Variants in SAMD3 observed in about 807,000 individuals in gnomAD.
SAMD3 encodes the protein sterile alpha motif domain containing 3, also known as sterile alpha motif domain-containing protein 3.
Under a neutral mutation model 58.5 loss-of-function variants are expected in SAMD3, and 63 were observed. The ratio of observed to expected loss-of-function variants is 1.08; its 90% CI spans 0.88 to 1.33. SAMD3 has a LOEUF of 1.33. Ranked by LOEUF, SAMD3 falls within the 40% of genes most tolerant of loss-of-function variation. The pLI is 0.00. For synonymous variants in SAMD3, 220 were observed against 210.3 expected, an observed-to-expected ratio of 1.05 and a Z score of -0.40; for missense variants, 604 against 608.4, an observed-to-expected ratio of 0.99 and a Z score of 0.08.
chr6:130,325,161 A>G (rs541626070), intron 1 of SAMD3, among the ~76,000 whole-genome samples: 1 of 152,330 alleles, frequency 6.6e-6, no homozygotes, highest in African/African-American at 2.4e-5. Flanking sequence ...TATGTTAGTC[A>G]GGGTTCTCCA....
intron 1 of SAMD3, among the ~76,000 whole-genome samples, chr6:130,219,040 G>T (rs115866760): frequency 9.9e-5 from 15 of 152,134 alleles, no homozygotes; most frequent in Non-Finnish European, 1.6e-4. Context: ...TGACAGAAAA[G>T]CATTCTTTCT....
At chr6:130,230,931 C>T (rs1027290191) in intron 2 of SAMD3, among the ~76,000 whole-genome samples, 1 of 152,158 alleles carries the variant, frequency 6.6e-6, no homozygotes, top group Non-Finnish European at 1.5e-5. Context: ...CTACCTTTCA[C>T]CTGGGGGAAG....
In SAMD3 at chr6:130,247,997, G is replaced by T. The variant is rs145889187; in HGVS notation, c.-187-25184C>A. Among the ~76,000 whole-genome samples, 440 of 152,214 alleles carry T rather than the reference G, an allele frequency of 2.9e-3. 4 individuals carry two copies. Among genetic ancestry groups the T allele is most frequent in the African/African-American group, 1.0e-2 (415 of 41,514 alleles). ...TAAGTATTCCTAATATATTTAGTGT[G>T]ATGTGCACCCCATAGTATTGTAAAC... On this transcript the variant is annotated intron_variant, in intron 2 of 13. Transcript: ENST00000368134.
intron 5 of SAMD3, among the ~76,000 whole-genome samples, chr6:130,203,511 C>G (rs1419265966): frequency 6.6e-6 from 1 of 152,194 alleles, no homozygotes; most frequent in Non-Finnish European, 1.5e-5. Flanking sequence ...CTTTTTAGCT[C>G]TATGATTGAA....
chr6:130,164,662 G>A (rs181854184), intron 8 of SAMD3, among the ~76,000 whole-genome samples: 44 of 151,902 alleles, frequency 2.9e-4, no homozygotes, highest in Admixed American at 2.4e-3. Flanking sequence ...CATATGACAT[G>A]CCCACCTTGG....
intron 2 of SAMD3, among the ~76,000 whole-genome samples, chr6:130,284,058 G>A (rs901965453): frequency 3.9e-5 from 6 of 152,184 alleles, no homozygotes; most frequent in Non-Finnish European, 8.8e-5. Context: ...TTACCATGTT[G>A]GCCAGGCTGG....
intron 5 of SAMD3, among the ~76,000 whole-genome samples, chr6:130,194,390 C>A (rs1793879903): frequency 6.6e-6 from 1 of 152,204 alleles, no homozygotes; most frequent in African/African-American, 2.4e-5. Flanking sequence ...CAATCTGCTC[C>A]TGACATTAAA....
At position 130,180,004 on chromosome 6, in the gene SAMD3, G is replaced by A. The variant is rs149925913; in HGVS notation, c.655-3996C>T. The stretch of plus-strand genomic sequence containing the variant: ...TAATTTTTGTGTTTTTAGTAGAAAC[G>A]GGGTTTCACCATGTTGGCCAGGATG... On this transcript the variant is annotated intron_variant, in intron 7 of 11. Coordinates refer to ENST00000439090, the MANE Select transcript of SAMD3 (RefSeq NM_001017373.4). Among the ~76,000 whole-genome samples the A allele has an allele frequency of 7.4e-3, 1,128 of 151,858 alleles. 24 individuals are homozygous for A. The highest frequency in any genetic ancestry group is 0.026 in the African/African-American group (1,094 of 41,398).
intron 2 of SAMD3, among the ~76,000 whole-genome samples, chr6:130,246,246 T>G (rs940383452): frequency 2.6e-5 from 4 of 152,232 alleles, no homozygotes; most frequent in Non-Finnish European, 4.4e-5. Context: ...TTTTATAGAT[T>G]TAACTTTAAA....
At chr6:130,194,291 CT>C (rs1793867910) in intron 5 of SAMD3, among the ~76,000 whole-genome samples, 1 of 152,230 alleles carries the variant, frequency 6.6e-6, no homozygotes, top group Admixed American at 6.5e-5. Context: ...CAGTTCATGG[CT>C]TGTTCGGTAG....
chr6:130,207,086 C>G (rs1795145718), intron 5 of SAMD3, among the ~76,000 whole-genome samples: 1 of 148,592 alleles, frequency 6.7e-6, no homozygotes. Flanking sequence ...AAAATCAAGG[C>G]TGCAGTGAGC....
rs111490517 is a variant in SAMD3, at chr6:130,182,155, A to G, written c.654+1948T>C. Among the ~76,000 whole-genome samples the G allele has an allele frequency of 9.4e-3, 1,427 of 152,294 alleles. 29 individuals are homozygous for G. Among genetic ancestry groups the G allele is most frequent in the African/African-American group, 0.031 (1,278 of 41,566 alleles). On this transcript the variant is annotated intron_variant, in intron 7 of 11. Coordinates refer to ENST00000439090, the MANE Select transcript of SAMD3 (RefSeq NM_001017373.4). The stretch of plus-strand genomic sequence containing the variant: ...GGTAGATGTATCTCCAGTGTAGAAG[A>G]AATTCCGAGAATCAGTTTTGTCAGC...
chr6:130,224,142 C>A (rs34047210), upstream of SAMD3, among the ~76,000 whole-genome samples: 1 of 151,918 alleles, frequency 6.6e-6, no homozygotes, highest in South Asian at 2.1e-4. Flanking sequence ...GCAAATTCTA[C>A]GTGGTCCACA....
chr6:130,161,904 A>T (rs146923763), intron 8 of SAMD3: 1 of 198,518 alleles, frequency 5.0e-6, no homozygotes, highest in African/African-American at 2.3e-5. Flanking sequence ...ACAGCTGCTG[A>T]CTGTTGACTT....
At chr6:130,182,087 A>AAC (rs1481977982) in intron 7 of SAMD3, among the ~76,000 whole-genome samples, 10 of 149,440 alleles carry the variant, frequency 6.7e-5, no homozygotes, top group African/African-American at 2.2e-4. Flanking sequence ...AAAAAAAAAA[A>AAC]CCACAAGTTC....
chr6:130,147,836 A>G (rs1788774196), intron 9 of SAMD3, among the ~76,000 whole-genome samples: 1 of 152,220 alleles, frequency 6.6e-6, no homozygotes, highest in Non-Finnish European at 1.5e-5. Context: ...CGGTTTCTGA[A>G]AAGTGGAGGC....
intron 5 of SAMD3, among the ~76,000 whole-genome samples, chr6:130,199,983 C>T (rs1794489834): frequency 6.6e-6 from 1 of 152,138 alleles, no homozygotes; most frequent in South Asian, 2.1e-4. Context: ...TGACCAGCAT[C>T]AGGCACCATG....
chr6:130,347,757 C>T (rs967293324), intron 1 of SAMD3, among the ~76,000 whole-genome samples: 9 of 152,038 alleles, frequency 5.9e-5, no homozygotes, highest in Non-Finnish European at 1.2e-4. Flanking sequence ...AAAATAGCAA[C>T]TCCAAGACAC....
At chr6:130,206,255 T>C (rs1562445803) in intron 5 of SAMD3, among the ~76,000 whole-genome samples, 1 of 152,062 alleles carries the variant, frequency 6.6e-6, no homozygotes, top group East Asian at 1.9e-4. Context: ...ACCTGAGCTG[T>C]TTATAGGGAG....
Sources: gnomAD v4.1 joint callset for allele counts (sites outside exome capture counted in the v4.1 genomes callset) on GRCh38, gnomAD v4.1.1 for gene constraint, MANE v1.5 for transcripts, NCBI Gene and HGNC (gene_info 2026-07-23, HGNC 2026-07-21) for gene names.